MAGI2: variants seen among roughly 807,000 people sequenced by gnomAD.
MAGI2 encodes membrane associated guanylate kinase, WW and PDZ domain containing 2.
A neutral mutation model predicts 133.3 loss-of-function variants in MAGI2; 35 were observed. The observed-to-expected ratio is 0.26, with a 90% confidence interval of 0.20 to 0.35. The LOEUF is 0.35. Ranked by LOEUF, MAGI2 falls within the 10% of genes least tolerant of loss-of-function variation. MAGI2 has a pLI of 1.00. For missense variants in MAGI2, 1,636 were observed against 1,863.4 expected (o/e 0.88, Z 2.25); for synonymous variants, 729 against 710.6 (o/e 1.03, Z -0.41).
chr7:79,115,571 C>T (rs948812811), intron 1 of MAGI2, among the ~76,000 whole-genome samples: 5 of 152,012 alleles, frequency 3.3e-5, no homozygotes, highest in Non-Finnish European at 7.4e-5. Context: ...ATTCAGTTGG[C>T]AAACTTAGCC....
intron 2 of MAGI2, among the ~76,000 whole-genome samples, chr7:78,892,080 C>T (rs575996856): frequency 2.5e-4 from 38 of 152,064 alleles, no homozygotes; most frequent in African/African-American, 8.9e-4. Flanking sequence ...TCTTATACAC[C>T]AATAGCAGAC....
intron 2 of MAGI2, among the ~76,000 whole-genome samples, chr7:78,938,526 C>A (rs558340864): frequency 3.3e-5 from 5 of 151,908 alleles, no homozygotes; most frequent in Admixed American, 3.3e-4. Flanking sequence ...GTTATAAGCA[C>A]ACAAAATAAG....
intron 1 of MAGI2, among the ~76,000 whole-genome samples, chr7:79,210,027 A>T (rs1353221900): frequency 6.6e-6 from 1 of 152,116 alleles, no homozygotes; most frequent in Admixed American, 6.5e-5. Context: ...GACAAATGAA[A>T]ATCTGAACTA....
chr7:78,155,550 G>A (rs530560571), intron 16 of MAGI2, among the ~76,000 whole-genome samples: 29 of 152,286 alleles, frequency 1.9e-4, no homozygotes, highest in African/African-American at 6.0e-4. Context: ...GGAGGTGAAG[G>A]TTGCAGTGAG....
At chr7:79,306,721 T>C (rs1038346306) in intron 1 of MAGI2, among the ~76,000 whole-genome samples, 5 of 152,230 alleles carry the variant, frequency 3.3e-5, no homozygotes, top group Non-Finnish European at 7.3e-5. Context: ...AAGCATTTAC[T>C]GTGTATACCT....
intron 9 of MAGI2, among the ~76,000 whole-genome samples, chr7:78,332,605 G>A (rs1009709683): frequency 6.6e-6 from 1 of 151,912 alleles, no homozygotes; most frequent in African/African-American, 2.4e-5. Context: ...GGCTGAGGCA[G>A]GAGAATGGTG....
intron 6 of MAGI2, among the ~76,000 whole-genome samples, chr7:78,416,442 A>T (rs1798309370): frequency 6.6e-6 from 1 of 152,174 alleles, no homozygotes; most frequent in Non-Finnish European, 1.5e-5. Context: ...TTAGCACTAT[A>T]TAAATTATTC....
chr7:78,125,547 G>T, intron 20 of MAGI2, 147 bp downstream of exon 20: 1 of 679,730 alleles, frequency 1.5e-6, no homozygotes, highest in South Asian at 3.0e-5. Context: ...CAAGTGGCCA[G>T]ACTTTTAAGA....
intron 3 of MAGI2, among the ~76,000 whole-genome samples, chr7:78,592,100 A>G (rs1384362453): frequency 6.6e-6 from 1 of 152,244 alleles, no homozygotes; most frequent in Non-Finnish European, 1.5e-5. Context: ...TCTCACTAAT[A>G]GGGGTTCCAG....
At chr7:79,270,552 T>TA (rs1834803181) in intron 1 of MAGI2, among the ~76,000 whole-genome samples, 3 of 152,138 alleles carry the variant, frequency 2.0e-5, no homozygotes, top group African/African-American at 7.2e-5. Context: ...TTAGGCAAGA[T>TA]AGGGGATACA....
At chr7:79,296,494 T>C (rs1027374903) in intron 1 of MAGI2, among the ~76,000 whole-genome samples, 1 of 152,128 alleles carries the variant, frequency 6.6e-6, no homozygotes, top group Non-Finnish European at 1.5e-5. Context: ...AATATAACAC[T>C]CCTCAGTCAT....
At chr7:79,254,831 C>A (rs924868897) in intron 1 of MAGI2, among the ~76,000 whole-genome samples, 1 of 152,126 alleles carries the variant, frequency 6.6e-6, no homozygotes. Context: ...CTTGAAGAGA[C>A]AATTAAGGGC....
chr7:78,051,884 C>CTTTTTCT (rs1812045833), intron 21 of MAGI2, among the ~76,000 whole-genome samples: 1 of 125,808 alleles, frequency 7.9e-6, no homozygotes, highest in African/African-American at 3.2e-5. Flanking sequence ...CATACCCAGC[C>CTTTTTCT]TTTTTTTTTT....
chr7:78,737,246 A>G (rs138575066), intron 2 of MAGI2, among the ~76,000 whole-genome samples: 1 of 152,200 alleles, frequency 6.6e-6, no homozygotes, highest in African/African-American at 2.4e-5. Context: ...AAAATTAAAG[A>G]GGTAACTGTT....
At chr7:78,719,385 A>G (rs1176029813) in intron 2 of MAGI2, among the ~76,000 whole-genome samples, 1 of 152,166 alleles carries the variant, frequency 6.6e-6, no homozygotes, top group Non-Finnish European at 1.5e-5. Flanking sequence ...AAAAAAATCC[A>G]ACTGTAAGTG....
At chr7:78,676,620 A>G (rs1431724786) in intron 2 of MAGI2, among the ~76,000 whole-genome samples, 1 of 152,142 alleles carries the variant, frequency 6.6e-6, no homozygotes, top group Non-Finnish European at 1.5e-5. Flanking sequence ...CCAGTGTCAC[A>G]GTTGATTAAA....
intron 6 of MAGI2, among the ~76,000 whole-genome samples, chr7:78,475,400 C>CA (rs1406191130): frequency 6.6e-6 from 1 of 151,912 alleles, no homozygotes; most frequent in Non-Finnish European, 1.5e-5. Flanking sequence ...TAGGAAAAGG[C>CA]AGTTTTAAGA....
chr7:79,287,807 C>T (rs112517395), intron 1 of MAGI2, among the ~76,000 whole-genome samples: 5,360 of 152,096 alleles, frequency 0.035, 134 homozygotes, highest in African/African-American at 0.063. Flanking sequence ...GATTACCAGA[C>T]ATTTATGTAT....
chr7:78,608,898 C>A (rs1480217601), intron 3 of MAGI2, among the ~76,000 whole-genome samples: 1 of 152,114 alleles, frequency 6.6e-6, no homozygotes, highest in East Asian at 1.9e-4. Context: ...CTATATCTAT[C>A]TACATATGGG....
Sources: allele counts gnomAD v4.1 joint callset (sites outside exome capture counted in the v4.1 genomes callset), GRCh38; gene constraint gnomAD v4.1.1; transcripts MANE v1.5; gene names NCBI Gene and HGNC (gene_info 2026-07-23, HGNC 2026-07-21).